Variants in NCR3LG1 observed in about 807,000 individuals in gnomAD.
NCR3LG1 encodes the protein natural killer cell cytotoxicity receptor 3 ligand 1.
NCR3LG1 carries 35 observed loss-of-function variants against 34.8 expected under a neutral mutation model. The observed-to-expected ratio is 1.01, with a 90% CI of 0.77 to 1.33. The LOEUF is 1.33. Ranked by LOEUF, NCR3LG1 falls within the 40% of genes most tolerant of loss-of-function variation. The pLI, the probability that NCR3LG1 is intolerant of heterozygous loss-of-function variation, is 0.00. For synonymous variants in NCR3LG1, 173 were observed against 163.6 expected (o/e 1.06, Z -0.44); for missense variants, 452 against 423.3 (o/e 1.07, Z -0.60).
rs764847484 is a variant in NCR3LG1, at chr11:17,372,127, C to T, written c.980C>T (p.Pro327Leu). 37 of 702,974 alleles carry T rather than the reference C, an allele frequency of 5.3e-5. No homozygotes were observed. The highest frequency in any genetic ancestry group is 7.4e-5 in the South Asian group (5 of 67,592). The allele number at this position is 702,974 out of a possible 1,614,324, so 43.5% of individuals were successfully genotyped here. A position where few individuals can be genotyped will look rare whatever the true frequency, so the allele number is the denominator to read the frequency against. The change falls in exon 5 of 5, where the codon CCG (proline) becomes CTG (leucine). Residue 327 changes from proline to leucine, a missense_variant. By Grantham distance (98) the Pro-to-Leu change is moderately conservative (BLOSUM62 -3). Coordinates refer to ENST00000338965, the MANE Select transcript of NCR3LG1 (RefSeq NM_001202439.3). ...HLIFFCTRAW[P>L]SYQLQDGEAW... ...ATATTCTTTTGCACTCGGGCATGGC[C>T]GTCTTACCAGCTGCAGGATGGGGAG...
downstream of NCR3LG1, among the ~76,000 whole-genome samples, chr11:17,378,605 C>G (rs201475252): frequency 2.6e-5 from 4 of 152,154 alleles, no homozygotes; most frequent in East Asian, 7.7e-4. Flanking sequence ...CAACGACGCC[C>G]CCTTCCAGCA....
chr11:17,370,608 C>T (rs1953395937), intron 4 of NCR3LG1, among the ~76,000 whole-genome samples: 1 of 152,146 alleles, frequency 6.6e-6, no homozygotes, highest in Admixed American at 6.5e-5. Context: ...AATGTTGGCT[C>T]TGTTCTAATC....
intron 2 of NCR3LG1, among the ~76,000 whole-genome samples, chr11:17,357,503 A>AT (rs1024028458): frequency 6.6e-6 from 1 of 152,174 alleles, no homozygotes. Context: ...GGAGGACATA[A>AT]TTCAGCCCAG....
chr11:17,359,622 C>T (rs749128470), intron 2 of NCR3LG1, among the ~76,000 whole-genome samples: 1 of 151,652 alleles, frequency 6.6e-6, no homozygotes, highest in Non-Finnish European at 1.5e-5. Flanking sequence ...AGCGATTCTC[C>T]TGCCTTAGCC....
At chr11:17,362,946 C>T (rs1290476825) in intron 2 of NCR3LG1, among the ~76,000 whole-genome samples, 21 of 126,022 alleles carry the variant, frequency 1.7e-4, no homozygotes, top group Non-Finnish European at 3.1e-4. Flanking sequence ...CTTCCTGCAA[C>T]GTCTTGCTTT....
chr11:17,358,644 TG>T (rs1315369787), intron 2 of NCR3LG1, among the ~76,000 whole-genome samples: 3 of 152,146 alleles, frequency 2.0e-5, no homozygotes, highest in Admixed American at 1.3e-4. Flanking sequence ...CACTTAAGGT[TG>T]GGGGTTACTT....
intron 2 of NCR3LG1, among the ~76,000 whole-genome samples, chr11:17,365,684 T>C (rs753081192): frequency 6.6e-6 from 1 of 152,186 alleles, no homozygotes; most frequent in Non-Finnish European, 1.5e-5. Context: ...GGCTCTTTAC[T>C]GTGAGAATCT....
intron 2 of NCR3LG1, among the ~76,000 whole-genome samples, chr11:17,358,292 A>T (rs955652509): frequency 3.3e-5 from 5 of 152,118 alleles, no homozygotes; most frequent in Non-Finnish European, 7.4e-5. Flanking sequence ...TAATTGTTAT[A>T]TGTTCTTAGG....
At chr11:17,353,693 G>A (rs1465268404) in intron 1 of NCR3LG1, among the ~76,000 whole-genome samples, 1 of 140,580 alleles carries the variant, frequency 7.1e-6, no homozygotes, top group Non-Finnish European at 1.5e-5. Flanking sequence ...CCGTTTGGCT[G>A]TGCGGCGGCG....
chr11:17,360,673 T>A (rs1303734333), intron 2 of NCR3LG1, among the ~76,000 whole-genome samples: 1 of 152,172 alleles, frequency 6.6e-6, no homozygotes, highest in Non-Finnish European at 1.5e-5. Context: ...CTTTCTCCAT[T>A]GAATTGCCTT....
rs1004040246 is a variant in NCR3LG1, at chr11:17,374,119, A to G, written c.*1607A>G. The G allele has an allele frequency of 6.6e-6, 1 of 152,214 alleles. No individual in the cohort carries two copies. The highest frequency in any genetic ancestry group is 1.9e-4 in the East Asian group (1 of 5,202). 9.4% of individuals were successfully genotyped at this position (152,214 alleles called of 1,614,324 possible). Reference sequence around the variant, plus strand: ...TAGGGGTGCAAAAATCCAATGGGGAAGGGAGACTAGTTCAGGACCTCTGCC... The same window carrying G: ...TAGGGGTGCAAAAATCCAATGGGGAGGGGAGACTAGTTCAGGACCTCTGCC... On this transcript the variant is annotated 3_prime_UTR_variant, in exon 5 of 5. Transcript: ENST00000338965.
chr11:17,369,879 G>A (rs188985241), intron 4 of NCR3LG1, among the ~76,000 whole-genome samples: 100 of 152,344 alleles, frequency 6.6e-4, no homozygotes, highest in Non-Finnish European at 1.3e-3. Flanking sequence ...CAGGCAGGCA[G>A]TTAGGGTGGG....
chr11:17,355,662 A>G (rs1289778496), intron 1 of NCR3LG1, among the ~76,000 whole-genome samples: 1 of 152,198 alleles, frequency 6.6e-6, no homozygotes, highest in Non-Finnish European at 1.5e-5. Flanking sequence ...GAGGCTGGGA[A>G]GTCCAAGAGG....
chr11:17,361,412 C>T (rs1413621025), intron 2 of NCR3LG1, among the ~76,000 whole-genome samples: 9 of 151,822 alleles, frequency 5.9e-5, no homozygotes, highest in South Asian at 2.1e-4. Flanking sequence ...CTCAGCCTCC[C>T]GAGTAGCTGG....
rs372027860 is a variant in NCR3LG1 at position 17,357,012 on chromosome 11, C to T, written c.421+11C>T. On this transcript the variant is annotated intron_variant, in intron 2 of 4. Coordinates refer to ENST00000338965, the MANE Select transcript of NCR3LG1 (RefSeq NM_001202439.3). ...AGCTTGAAGTTGTGGGTGAGTGTCT[C>T]GGGGCAGTGCCCTACAGTTCCCATG... 1.2e-4 allele frequency: 184 copies of T among 1,485,988 alleles called. 2 individuals are homozygous for T. The South Asian group carries it at 1.8e-3, about 15-fold the overall frequency. 92.1% of individuals were successfully genotyped at this position (1,485,988 alleles called of 1,614,324 possible).
At position 17,376,425 on chromosome 11, in the gene NCR3LG1, A is replaced by C. The variant is rs1252098212; in HGVS notation, c.*3913A>C. 2 of 152,062 alleles carry C rather than the reference A, an allele frequency of 1.3e-5. No homozygotes were observed. The highest frequency in any genetic ancestry group is 2.9e-5 in the Non-Finnish European group (2 of 67,988). The allele number at this position is 152,062 out of a possible 1,614,324, so 9.4% of individuals were successfully genotyped here. A position where few individuals can be genotyped will look rare whatever the true frequency, so the allele number is the denominator to read the frequency against. On this transcript the variant is annotated 3_prime_UTR_variant, in exon 5 of 5. Coordinates refer to ENST00000338965, the MANE Select transcript of NCR3LG1 (RefSeq NM_001202439.3). ...TTTATTGGGTTTGGTAATACGTCACACCCTTTAGCCTCTACTGTGTCAGCC... is the reference window on the plus strand; with the variant it reads ...TTTATTGGGTTTGGTAATACGTCACCCCCTTTAGCCTCTACTGTGTCAGCC...
chr11:17,370,128 G>A (rs1255383681), intron 4 of NCR3LG1, among the ~76,000 whole-genome samples: 3 of 152,186 alleles, frequency 2.0e-5, no homozygotes, highest in Non-Finnish European at 2.9e-5. Context: ...TGCACACTAC[G>A]AGGATGGGGT....
intron 2 of NCR3LG1, among the ~76,000 whole-genome samples, chr11:17,361,289 A>ATT (rs60695188): frequency 5.0e-5 from 7 of 140,602 alleles, no homozygotes; most frequent in Non-Finnish European, 6.2e-5. Context: ...AAAAATTGAC[A>ATT]TTTTTTTTTT....
chr11:17,352,973 G>C (rs1169127225), intron 1 of NCR3LG1, among the ~76,000 whole-genome samples: 1 of 152,214 alleles, frequency 6.6e-6, no homozygotes, highest in African/African-American at 2.4e-5. Context: ...ACGCTCCTGG[G>C]TGCCGGGTGG....
Sources: gnomAD v4.1 joint callset for allele counts (sites outside exome capture counted in the v4.1 genomes callset) on GRCh38, gnomAD v4.1.1 for gene constraint, MANE v1.5 for transcripts, NCBI Gene and HGNC (gene_info 2026-07-23, HGNC 2026-07-21) for gene names.